PRKAG2: variants seen among roughly 807,000 people sequenced by gnomAD.
The protein encoded by PRKAG2 is 5'-AMP-activated protein kinase subunit gamma-2.
In PRKAG2, 26 loss-of-function variants were observed where a neutral mutation model predicts 69.6. That is an observed-to-expected ratio of 0.37 (90% CI 0.27 to 0.52). The LOEUF is 0.52. PRKAG2 is among the 20% of genes least tolerant of loss of function. The pLI is 0.90. For missense variants in PRKAG2, 557 were observed against 740.0 expected, an observed-to-expected ratio of 0.75 and a Z score of 2.87; for synonymous variants, 293 against 285.0, an observed-to-expected ratio of 1.03 and a Z score of -0.28.
At chr7:151,561,897 C>A (rs1164819823) in intron 14 of PRKAG2, among the ~76,000 whole-genome samples, 1 of 145,064 alleles carries the variant, frequency 6.9e-6, no homozygotes, top group African/African-American at 2.6e-5. Flanking sequence ...CGTGCCACTG[C>A]ACTCCAGCCT....
At chr7:151,688,449 T>C (rs953818664) in intron 3 of PRKAG2, among the ~76,000 whole-genome samples, 22 of 152,188 alleles carry the variant, frequency 1.4e-4, no homozygotes, top group African/African-American at 5.3e-4. Flanking sequence ...AGGGTAAACT[T>C]GGAATTTACC....
chr7:151,857,910 CAA>C (rs2151903708), intron 1 of PRKAG2, among the ~76,000 whole-genome samples: 1 of 152,356 alleles, frequency 6.6e-6, no homozygotes, highest in African/African-American at 2.4e-5. Flanking sequence ...GCATAGGAGA[CAA>C]AGAATTGCGG....
intron 1 of PRKAG2, among the ~76,000 whole-genome samples, chr7:151,825,057 CA>C (rs5888453): frequency 0.95 from 143,793 of 152,004 alleles, 68,537 homozygotes; most frequent in East Asian, 1. Flanking sequence ...ACTAAAAATA[CA>C]AAAAAATTAG....
intron 1 of PRKAG2, among the ~76,000 whole-genome samples, chr7:151,875,760 C>T (rs1161737111): frequency 6.6e-6 from 1 of 152,110 alleles, no homozygotes; most frequent in Non-Finnish European, 1.5e-5. Context: ...CTACGCGGCC[C>T]GCCGCCCCTC....
chr7:151,578,702 G>C (rs1809608802), intron 6 of PRKAG2, among the ~76,000 whole-genome samples: 1 of 152,222 alleles, frequency 6.6e-6, no homozygotes. Flanking sequence ...TGATGTGGGA[G>C]AGCAACAGTA....
intron 3 of PRKAG2, among the ~76,000 whole-genome samples, chr7:151,679,587 T>G (rs1171586608): frequency 6.6e-6 from 1 of 152,132 alleles, no homozygotes; most frequent in African/African-American, 2.4e-5. Flanking sequence ...GGGGGGCGTT[T>G]TAGGTTCAAA....
intron 1 of PRKAG2, among the ~76,000 whole-genome samples, chr7:151,832,835 G>A (rs1272193988): frequency 2.0e-5 from 3 of 152,034 alleles, no homozygotes; most frequent in African/African-American, 7.2e-5. Flanking sequence ...CCTATCCCAG[G>A]CGAGCAGTTA....
At chr7:151,861,716 T>C (rs1397538654) in intron 1 of PRKAG2, among the ~76,000 whole-genome samples, 2 of 152,028 alleles carry the variant, frequency 1.3e-5, no homozygotes, top group Non-Finnish European at 2.9e-5. Context: ...TGCTCTTTAC[T>C]GTGGCATCTC....
In PRKAG2 at chr7:151,632,097, C is replaced by T. The variant is rs1380551720; in HGVS notation, c.726G>A (p.Met242Ile). The change falls in exon 5 of 16, where the codon ATG (methionine) becomes ATA (isoleucine). Residue 242 changes from methionine to isoleucine, a missense_variant. This residue lies in a region of PRKAG2 where 352 missense variants were observed against 356.7 expected (regional missense o/e 0.99). Transcript: ENST00000287878. This position sits in a 1 kb window ranked among gnomAD's most constrained non-coding sequence, Gnocchi z 4.2. ...AAALGPAEAG[M>I]LEKLEFEDEA... ...CGTCCTCGAACTCCAGCTTCTCCAG[C>T]ATGCCGGCTTCCGCGGGTCCCAGGG... is the stretch of plus-strand genomic sequence containing the variant. 1.4e-6 allele frequency: 2 copies of T among 1,417,222 alleles called. No individual in the cohort carries two copies. Among genetic ancestry groups the T allele is most frequent in the South Asian group, 1.4e-5 (1 of 73,618 alleles). The allele number at this position is 1,417,222 out of a possible 1,614,324, so 87.8% of individuals were successfully genotyped here.
In PRKAG2 at chr7:151,780,022, G is replaced by A. The variant is rs1040736198; in HGVS notation, c.466+1130C>T. ...TGTGTGTAGAGCATGGTCAGGACCT[G>A]CCCCCCACAACACACACACAACCCA... On this transcript the variant is annotated intron_variant, in intron 3 of 15. Transcript: ENST00000287878. This position sits in a 1 kb window ranked among gnomAD's most constrained non-coding sequence, Gnocchi z 4.2. 9.9e-5 allele frequency among the ~76,000 whole-genome samples: 15 copies of A among 152,032 alleles called. No homozygotes were observed. Among genetic ancestry groups the A allele is most frequent in the Admixed American group, 6.5e-4 (10 of 15,268 alleles).
At chr7:151,839,286 G>C (rs1448281175) in intron 1 of PRKAG2, among the ~76,000 whole-genome samples, 1 of 152,238 alleles carries the variant, frequency 6.6e-6, no homozygotes, top group African/African-American at 2.4e-5. Context: ...GAAAGTAGAA[G>C]GAGGAAGTCA....
At chr7:151,811,802 A>G (rs2078435787) in intron 1 of PRKAG2, among the ~76,000 whole-genome samples, 1 of 152,160 alleles carries the variant, frequency 6.6e-6, no homozygotes, top group African/African-American at 2.4e-5. Context: ...ACCAGCCCCC[A>G]ACAAGAGCTA....
At chr7:151,691,259 A>T (rs1010167374) in intron 3 of PRKAG2, among the ~76,000 whole-genome samples, 11 of 152,168 alleles carry the variant, frequency 7.2e-5, no homozygotes, top group Non-Finnish European at 1.6e-4. Context: ...GCAAGTAATT[A>T]TTATGCTGTG....
chr7:151,698,316 T>C (rs1387231483), intron 3 of PRKAG2, among the ~76,000 whole-genome samples: 1 of 152,178 alleles, frequency 6.6e-6, no homozygotes, highest in Admixed American at 6.5e-5. Flanking sequence ...CCTCCTGGTT[T>C]TTCCCTTCAC....
intron 3 of PRKAG2, among the ~76,000 whole-genome samples, chr7:151,690,210 C>G (rs1457880002): frequency 6.6e-6 from 1 of 152,158 alleles, no homozygotes; most frequent in Non-Finnish European, 1.5e-5. Flanking sequence ...ACCACTCATC[C>G]CGAGGGAGGT....
chr7:151,698,070 G>T (rs1040664653), intron 3 of PRKAG2, among the ~76,000 whole-genome samples: 2 of 152,288 alleles, frequency 1.3e-5, no homozygotes, highest in Middle Eastern at 6.8e-3. Context: ...TTCTGAGTTC[G>T]CCTGCAGCTG....
chr7:151,591,785 C>T (rs1315147628), intron 6 of PRKAG2, among the ~76,000 whole-genome samples: 2 of 152,082 alleles, frequency 1.3e-5, no homozygotes, highest in Non-Finnish European at 2.9e-5. Context: ...AAGCCTCCAC[C>T]AAAAGGAAAT....
chr7:151,764,690 C>G (rs2075635495), intron 3 of PRKAG2, among the ~76,000 whole-genome samples: 1 of 152,246 alleles, frequency 6.6e-6, no homozygotes, highest in African/African-American at 2.4e-5. Flanking sequence ...GCCTCCCACC[C>G]AACCATGCTC....
intron 3 of PRKAG2, among the ~76,000 whole-genome samples, chr7:151,744,505 T>C (rs1161844378): frequency 6.6e-6 from 1 of 152,230 alleles, no homozygotes; most frequent in Non-Finnish European, 1.5e-5. Flanking sequence ...TGTGAATACC[T>C]ACAGGATCAA....
Sources: allele counts gnomAD v4.1 joint callset (sites outside exome capture counted in the v4.1 genomes callset), GRCh38; gene constraint gnomAD v4.1.1; regional missense constraint gnomAD v4.1.1; non-coding constraint Gnocchi (gnomAD v3.1); transcripts MANE v1.5; gene names NCBI Gene and HGNC (gene_info 2026-07-23, HGNC 2026-07-21).